Variants in PDCD11 observed in about 807,000 individuals in gnomAD.
PDCD11 encodes protein RRP5 homolog.
Under a neutral mutation model 198.9 loss-of-function variants are expected in PDCD11, and 97 were observed. The ratio of observed to expected loss-of-function variants is 0.49; its 90% CI spans 0.41 to 0.58. PDCD11 has a LOEUF of 0.58. Ranked by LOEUF, PDCD11 falls within the 20% of genes least tolerant of loss-of-function variation. The pLI is 0.00. For missense variants in PDCD11, 2,102 were observed against 2,312.7 expected (o/e 0.91, Z 1.87); for synonymous variants, 893 against 918.0 (o/e 0.97, Z 0.49).
rs372520046 is a variant in PDCD11 at position 103,444,048 on chromosome 10, A to C, written c.5258A>C (p.Glu1753Ala). The C allele has an allele frequency of 2.5e-6, 4 of 1,612,250 alleles. No individual in the cohort carries two copies. In the African/African-American group the frequency reaches 4.0e-5, roughly 16 times the overall value. ...CACCGCGTGCTGCAGCGAGCCCTGG[A>C]GTGCCTGCCTAGCAAGGAGCGTGAG... ...ASHRVLQRAL[E>A]CLPSKEHVDV... Residue 1753 changes from glutamate to alanine, a missense_variant, in exon 34 of 36, where the codon GAG becomes GCG. By Grantham distance (107) the Glu-to-Ala change is moderately radical (BLOSUM62 -1). Coordinates refer to ENST00000369797, the MANE Select transcript of PDCD11 (RefSeq NM_014976.2).
At chr10:103,438,110 C>A (rs780683953) in intron 26 of PDCD11, 39 bp downstream of exon 26, 6 of 1,567,528 alleles carry the variant, frequency 3.8e-6, no homozygotes, top group Non-Finnish European at 4.4e-6. Flanking sequence ...AGGAGGAAGA[C>A]CCACTCAGGA....
In PDCD11 at chr10:103,405,098, A is replaced by G; in HGVS notation, c.479A>G (p.Asp160Gly). ...GTGGTGAGCAGTCTGGGCATCACAG[A>G]CAGGGGCAAGAAGAGTGTCAAGCTG... ...RCVVSSLGIT[D>G]RGKKSVKLSL... Residue 160 changes from aspartate (D) to glycine (G), a missense_variant, in exon 5 of 36, where the codon GAC becomes GGC. By Grantham distance (94) the Asp-to-Gly change is moderately conservative. Transcript: ENST00000369797. The G allele has an allele frequency of 4.3e-6, 7 of 1,614,168 alleles. No individual in the cohort carries two copies. Among genetic ancestry groups the G allele is most frequent in the Non-Finnish European group, 5.9e-6 (7 of 1,180,016 alleles).
chr10:103,413,381 A>G (rs2030922101), intron 9 of PDCD11, 59 bp downstream of exon 9: 6 of 1,386,928 alleles, frequency 4.3e-6, no homozygotes, highest in Non-Finnish European at 6.1e-6. Context: ...TCTGGAGCAC[A>G]GGGGGCCATT....
rs565298557 is a variant in PDCD11 at position 103,442,393 on chromosome 10, C to G, written c.4888C>G (p.Leu1630Val). ...GTGGCTGCAGTACATGGCTTTCCAC[C>G]TGCAGGCCACGGAGATCGAGAAGGC... ...ILWLQYMAFH[L>V]QATEIEKARA... Residue 1630 changes from leucine to valine, a missense_variant, in exon 32 of 36, where the codon CTG (leucine) becomes GTG (valine). Leu to Val is a conservative substitution (Grantham distance 32). Coordinates refer to ENST00000369797, the MANE Select transcript of PDCD11 (RefSeq NM_014976.2). The G allele has an allele frequency of 9.2e-5, 148 of 1,614,202 alleles. 2 individuals are homozygous for G. The South Asian group carries it at 1.6e-3, about 17-fold the overall frequency.
chr10:103,406,888 C>G, intron 7 of PDCD11, 98 bp downstream of exon 7: 1 of 927,290 alleles, frequency 1.1e-6, no homozygotes, highest in South Asian at 1.9e-5. Context: ...TAAAGGTAGT[C>G]ACTAGTCACT....
chr10:103,429,406 GGGTTT>G lies in PDCD11; in HGVS notation c.3368+2035_3368+2039del, dbSNP rs367937737. 1.2e-3 allele frequency among the ~76,000 whole-genome samples: 190 copies of G among 152,214 alleles called. 1 individual carries two copies. The highest frequency in any genetic ancestry group is 4.3e-3 in the African/African-American group (180 of 41,528). ...GATAACACATATCCGTTTATGTGGTGGGTTTGGTTTGGTTTGGTTTGGTTGAAATA... is the reference window on the plus strand; with the variant it reads ...GATAACACATATCCGTTTATGTGGTGGGTTTGGTTTGGTTTGGTTGAAATA... On this transcript the variant is annotated intron_variant, in intron 21 of 35. Transcript: ENST00000369797.
At chr10:103,443,865 C>G (rs1451147981) in intron 33 of PDCD11, 50 bp from the exon 34 acceptor site, 1 of 1,578,752 alleles carries the variant, frequency 6.3e-7, no homozygotes, top group African/African-American at 1.3e-5. Flanking sequence ...TCTGTCTTGT[C>G]CCCTCTGTAG....
At chr10:103,403,668 A>G (rs1004256852) in intron 4 of PDCD11, among the ~76,000 whole-genome samples, 38 of 152,230 alleles carry the variant, frequency 2.5e-4, no homozygotes, top group African/African-American at 8.7e-4. Flanking sequence ...TTTAAATTCT[A>G]GAATCAATGG....
chr10:103,421,745 A>ACC (rs2031442262), intron 17 of PDCD11, among the ~76,000 whole-genome samples, 178 bp downstream of exon 17: 1 of 151,254 alleles, frequency 6.6e-6, no homozygotes, highest in African/African-American at 2.4e-5. Context: ...CGGGTGGATC[A>ACC]TGAGGTCAGG....
At chr10:103,413,494 T>C (rs2030928008) in intron 9 of PDCD11, among the ~76,000 whole-genome samples, 172 bp downstream of exon 9, 1 of 152,220 alleles carries the variant, frequency 6.6e-6, no homozygotes, top group Non-Finnish European at 1.5e-5. Context: ...TGTATTAGGA[T>C]GCCTTAGAAC....
chr10:103,422,176 GTTCAAGCGATTCTCCTTC>G (rs1371954043), intron 17 of PDCD11, among the ~76,000 whole-genome samples: 1 of 150,766 alleles, frequency 6.6e-6, no homozygotes, highest in Non-Finnish European at 1.5e-5. Context: ...CACCCCCCAG[GTTCAAGCGATTCTCCTTC>G]CTCAGCCTCC....
At position 103,412,140 on chromosome 10, in the gene PDCD11, G is replaced by T. The variant is rs144964763; in HGVS notation, c.979-976G>T. Among the ~76,000 whole-genome samples the T allele has an allele frequency of 4.5e-4, 68 of 150,152 alleles. No individual in the cohort carries two copies. The East Asian group carries it at 0.012, about 27-fold the overall frequency. Reference sequence around the variant, plus strand: ...TCCTGCCTCAGCCTCCCAAAGTGGTGCATGCCACCATGCTTGGCTAACTTT... The same window carrying T: ...TCCTGCCTCAGCCTCCCAAAGTGGTTCATGCCACCATGCTTGGCTAACTTT... On this transcript the variant is annotated intron_variant, in intron 8 of 35. Transcript: ENST00000369797.
intron 14 of PDCD11, 131 bp downstream of exon 14, chr10:103,418,063 G>A (rs2031213696): frequency 1.1e-6 from 1 of 935,662 alleles, no homozygotes. Context: ...GGGGCTAGAG[G>A]GGTTCATACG....
chr10:103,409,572 G>A (rs2030667775), intron 7 of PDCD11, 127 bp from the exon 8 acceptor site: 1 of 650,408 alleles, frequency 1.5e-6, no homozygotes. Context: ...ATTGTTAAGA[G>A]TTACCTGGGA....
At chr10:103,426,867 G>A (rs1454824955) in intron 20 of PDCD11, among the ~76,000 whole-genome samples, 1 of 151,130 alleles carries the variant, frequency 6.6e-6, no homozygotes, top group African/African-American at 2.4e-5. Flanking sequence ...TGAGGGAGGT[G>A]GAAAACCTGA....
intron 6 of PDCD11, 120 bp from the exon 7 acceptor site, chr10:103,406,489 A>T: frequency 1.3e-6 from 1 of 795,210 alleles, no homozygotes; most frequent in South Asian, 2.0e-5. Flanking sequence ...GAATTTGGGG[A>T]GTAACTGATG....
intron 21 of PDCD11, 41 bp downstream of exon 21, chr10:103,427,432 C>G (rs1230979488): frequency 6.8e-7 from 1 of 1,481,470 alleles, no homozygotes; most frequent in African/African-American, 1.4e-5. Context: ...GGAAAGAGCA[C>G]TGGGCTTTGG....
In PDCD11 at chr10:103,432,856, GACCTTCCGTGC is replaced by G. The variant is rs573890545; in HGVS notation, c.3474+628_3474+638del. Among the ~76,000 whole-genome samples, 24 of 152,260 alleles carry G rather than the reference GACCTTCCGTGC, an allele frequency of 1.6e-4. No individual in the cohort carries two copies. The East Asian group carries it at 4.0e-3, about 26-fold the overall frequency. Reference sequence around the variant, plus strand: ...TGGCAGATAAGGCTCTTCATAATCTGACCTTCCGTGCACCTTGTGTGGCAGTCATTCTGAAA... The same window carrying G: ...TGGCAGATAAGGCTCTTCATAATCTGACCTTGTGTGGCAGTCATTCTGAAA... On this transcript the variant is annotated intron_variant, in intron 22 of 35. Transcript: ENST00000369797.
intron 12 of PDCD11, among the ~76,000 whole-genome samples, 159 bp downstream of exon 12, chr10:103,415,310 G>A (rs1024898091): frequency 1.3e-5 from 2 of 152,170 alleles, no homozygotes; most frequent in African/African-American, 4.8e-5. Flanking sequence ...TCCCCGTTTT[G>A]TGTAGTATAA....
Sources: allele counts gnomAD v4.1 joint callset (sites outside exome capture counted in the v4.1 genomes callset), GRCh38; gene constraint gnomAD v4.1.1; transcripts MANE v1.5; gene names NCBI Gene and HGNC (gene_info 2026-07-23, HGNC 2026-07-21).